The following MON2 variants were observed in gnomAD, a reference collection of about 807,000 sequenced individuals.
MON2 encodes MON2 regulator of endosome-to-Golgi trafficking, also known as protein MON2 homolog.
MON2 carries 84 observed loss-of-function variants against 208.6 expected under a neutral mutation model. The ratio of observed to expected loss-of-function variants is 0.40; its 90% confidence interval spans 0.34 to 0.48. MON2 has a LOEUF of 0.48. Among genes scored for constraint, MON2 ranks in the 20% least tolerant of loss-of-function variants. The pLI is 0.59. For synonymous variants in MON2, 660 were observed against 694.0 expected, an observed-to-expected ratio of 0.95 and a Z score of 0.77; for missense variants, 1,611 against 2,015.4, an observed-to-expected ratio of 0.80 and a Z score of 3.84.
chr12:62,538,096 C>T lies in MON2; in HGVS notation c.2119C>T (p.His707Tyr), dbSNP rs774906152. 4 of 1,608,860 alleles carry T rather than the reference C, an allele frequency of 2.5e-6. No individual in the cohort carries two copies. Among genetic ancestry groups the T allele is most frequent in the Non-Finnish European group, 3.4e-6 (4 of 1,178,034 alleles). ...SWQLVLATLQ[H>Y]LVWILGLKPS... ...TTTTGATTTTTTTTTAATTTTACAGCATCTTGTGTGGATTCTGGGATTAAA... is the reference window on the plus strand; with the variant it reads ...TTTTGATTTTTTTTTAATTTTACAGTATCTTGTGTGGATTCTGGGATTAAA... Residue 707 changes from histidine (H) to tyrosine (Y), a missense_variant and splice_region_variant, in exon 17 of 35, where the codon CAT (histidine) becomes TAT (tyrosine). By Grantham distance (83) the His-to-Tyr change is moderately conservative (BLOSUM62 2). Transcript: ENST00000393630.
At chr12:62,544,682 A>G (rs1008689367) in intron 20 of MON2, 11 of 1,198,612 alleles carry the variant, frequency 9.2e-6, no homozygotes, top group Admixed American at 2.2e-5. Context: ...ATTTACTGTT[A>G]TGAAATCCTT....
At chr12:62,473,919 T>A (rs976891511) in intron 1 of MON2, among the ~76,000 whole-genome samples, 1 of 151,966 alleles carries the variant, frequency 6.6e-6, no homozygotes, top group Admixed American at 6.6e-5. Flanking sequence ...CTTCAGATCC[T>A]TCCTTTCTCC....
intron 22 of MON2, among the ~76,000 whole-genome samples, chr12:62,547,484 T>C (rs1214508553): frequency 6.6e-6 from 1 of 152,230 alleles, no homozygotes; most frequent in African/African-American, 2.4e-5. Context: ...TCCCTATATA[T>C]ATTAGGCAGT....
At chr12:62,553,210 G>A in intron 24 of MON2, 36 bp downstream of exon 24, 2 of 1,558,096 alleles carry the variant, frequency 1.3e-6, no homozygotes, top group Non-Finnish European at 1.8e-6. Flanking sequence ...AGCTTTTAAT[G>A]AGTCATGCTT....
At chr12:62,497,824 C>T (rs1034239605) in intron 4 of MON2, among the ~76,000 whole-genome samples, 25 of 152,112 alleles carry the variant, frequency 1.6e-4, no homozygotes, top group African/African-American at 4.8e-4. Context: ...CCATGTTGGC[C>T]GGGCTGGCCT....
chr12:62,507,083 T>G (rs1268574974), intron 7 of MON2, among the ~76,000 whole-genome samples: 1 of 152,206 alleles, frequency 6.6e-6, no homozygotes, highest in Non-Finnish European at 1.5e-5. Context: ...TGTTTGCCAT[T>G]GCATGTTTTA....
At chr12:62,589,588 C>T (rs2075326441) in intron 34 of MON2, among the ~76,000 whole-genome samples, 2 of 151,752 alleles carry the variant, frequency 1.3e-5, no homozygotes, top group South Asian at 4.2e-4. Flanking sequence ...GAATTTATCC[C>T]ATTAGAGTTC....
chr12:62,581,892 AC>A (rs1361624951), intron 32 of MON2, among the ~76,000 whole-genome samples: 1 of 152,228 alleles, frequency 6.6e-6, no homozygotes, highest in Non-Finnish European at 1.5e-5. Flanking sequence ...CTCAGAATTT[AC>A]TAGAGCCTTA....
chr12:62,556,654 G>C (rs1328503752), intron 25 of MON2, among the ~76,000 whole-genome samples: 1 of 152,142 alleles, frequency 6.6e-6, no homozygotes, highest in Non-Finnish European at 1.5e-5. Context: ...GAAGATTGAG[G>C]AAAAGAGATG....
chr12:62,526,806 T>C (rs1227318110), intron 11 of MON2, among the ~76,000 whole-genome samples: 4 of 152,166 alleles, frequency 2.6e-5, no homozygotes, highest in Non-Finnish European at 5.9e-5. Context: ...GTTATAGATA[T>C]ATTTTGAGTA....
chr12:62,580,609 T>C (rs2074970076), intron 32 of MON2, among the ~76,000 whole-genome samples, 189 bp downstream of exon 32: 2 of 152,120 alleles, frequency 1.3e-5, no homozygotes, highest in African/African-American at 4.8e-5. Flanking sequence ...GAATAGAATG[T>C]TTTTATTCCA....
chr12:62,566,469 TA>T lies in MON2; in HGVS notation c.4323+20del. 2 of 1,601,956 alleles carry T rather than the reference TA, an allele frequency of 1.2e-6. No homozygotes were observed. The highest frequency in any genetic ancestry group is 1.7e-6 in the Non-Finnish European group (2 of 1,172,038). The stretch of plus-strand genomic sequence containing the variant: ...TATTAAGGTATCTTTTTTTCATTTC[TA>T]CACTTTCATTAGATGGTGTGAACAT... On this transcript the variant is annotated intron_variant, in intron 29 of 34. Coordinates refer to ENST00000393630, the MANE Select transcript of MON2 (RefSeq NM_015026.3).
intron 2 of MON2, among the ~76,000 whole-genome samples, chr12:62,485,517 G>A (rs1431047514): frequency 2.6e-5 from 4 of 152,156 alleles, no homozygotes; most frequent in Non-Finnish European, 4.4e-5. Flanking sequence ...AATTACATCT[G>A]TTTCCCACAG....
chr12:62,589,740 TC>T (rs1412705558), intron 34 of MON2, among the ~76,000 whole-genome samples: 7 of 102,418 alleles, frequency 6.8e-5, no homozygotes, highest in African/African-American at 3.2e-4. Flanking sequence ...TCAGACCCCA[TC>T]TTTAAAAAAA....
rs2075413057 is a variant in MON2 at position 62,592,043 on chromosome 12, C to A, written c.4991-543C>A. Among the ~76,000 whole-genome samples, 4 of 152,096 alleles carry A rather than the reference C, an allele frequency of 2.6e-5. No individual in the cohort carries two copies. In the South Asian group the frequency reaches 8.3e-4, roughly 32 times the overall value. ...GAAGAAGCCAGACATGGTTCCTCCCCACTCAAGTCTACATCTAATGATATA... is the reference window on the plus strand; with the variant it reads ...GAAGAAGCCAGACATGGTTCCTCCCAACTCAAGTCTACATCTAATGATATA... On this transcript the variant is annotated intron_variant, in intron 34 of 34. Transcript: ENST00000393630.
intron 11 of MON2, among the ~76,000 whole-genome samples, chr12:62,529,022 A>C (rs1157162491): frequency 6.6e-6 from 1 of 152,108 alleles, no homozygotes; most frequent in Non-Finnish European, 1.5e-5. Context: ...TCCCGCCTCA[A>C]GTACACCCCA....
intron 27 of MON2, 74 bp from the exon 28 acceptor site, chr12:62,565,940 C>A (rs1039157478): frequency 2.3e-6 from 3 of 1,299,190 alleles, no homozygotes; most frequent in African/African-American, 1.5e-5. Context: ...AATTTTATAT[C>A]GTCCGAAAGT....
chr12:62,527,660 A>G (rs976838996), intron 11 of MON2, among the ~76,000 whole-genome samples: 1 of 152,168 alleles, frequency 6.6e-6, no homozygotes, highest in Non-Finnish European at 1.5e-5. Context: ...CGAGTGAGAT[A>G]GTAAATAAAT....
intron 8 of MON2, among the ~76,000 whole-genome samples, chr12:62,515,426 A>G (rs987159952): frequency 6.6e-6 from 1 of 152,238 alleles, no homozygotes; most frequent in Non-Finnish European, 1.5e-5. Context: ...AGTCAAATTC[A>G]TAGAGAAAAT....
Sources: allele counts gnomAD v4.1 joint callset (sites outside exome capture counted in the v4.1 genomes callset), GRCh38; gene constraint gnomAD v4.1.1; transcripts MANE v1.5; gene names NCBI Gene and HGNC (gene_info 2026-07-23, HGNC 2026-07-21).